The following FGF14 variants were observed in gnomAD, a reference collection of about 807,000 sequenced individuals.
The protein encoded by FGF14 is fibroblast growth factor homologous factor 4.
A neutral mutation model predicts 25.5 loss-of-function variants in FGF14; 5 were observed. The ratio of observed to expected loss-of-function variants is 0.20; its 90% CI spans 0.10 to 0.41. The LOEUF is 0.41. Ranked by LOEUF, FGF14 falls within the 10% of genes least tolerant of loss-of-function variation. The pLI, the probability that FGF14 is intolerant of heterozygous loss-of-function variation, is 1.00. For missense variants in FGF14, 222 were observed against 320.1 expected (o/e 0.69, Z 2.34); for synonymous variants, 138 against 118.3 (o/e 1.17, Z -1.08).
intron 1 of FGF14, among the ~76,000 whole-genome samples, chr13:102,143,538 G>GA (rs766333341): frequency 5.3e-5 from 8 of 151,920 alleles, no homozygotes; most frequent in Non-Finnish European, 7.4e-5. Flanking sequence ...TCCCTGAGGG[G>GA]AAAAAAATAC....
intron 1 of FGF14, among the ~76,000 whole-genome samples, chr13:102,347,989 A>C (rs2057162002): frequency 6.6e-6 from 1 of 151,994 alleles, no homozygotes; most frequent in South Asian, 2.1e-4. Flanking sequence ...TACGACCCTA[A>C]GTAAGATTTT....
intron 3 of FGF14, among the ~76,000 whole-genome samples, chr13:101,778,187 ACTGTCTGC>A (rs943973097): frequency 5.3e-5 from 8 of 152,294 alleles, no homozygotes; most frequent in African/African-American, 1.9e-4. Context: ...CCCAGTTGGA[ACTGTCTGC>A]CTATACTAGC....
intron 1 of FGF14, among the ~76,000 whole-genome samples, chr13:102,087,407 C>CTTTTTTTTTTTTTTT (rs71125043): frequency 8.3e-5 from 7 of 84,446 alleles, no homozygotes; most frequent in Non-Finnish European, 1.1e-4. Context: ...ACTGTAATTT[C>CTTTTTTTTTTTTTTT]TTTTTTTTTT....
chr13:101,933,777 A>C (rs1312680650), intron 1 of FGF14, among the ~76,000 whole-genome samples: 1 of 152,156 alleles, frequency 6.6e-6, no homozygotes, highest in Non-Finnish European at 1.5e-5. Context: ...GGTATATTTA[A>C]TCTGTCTTAA....
At chr13:102,101,111 GAA>G (rs79230981) in intron 1 of FGF14, among the ~76,000 whole-genome samples, 10 of 132,640 alleles carry the variant, frequency 7.5e-5, no homozygotes, top group Non-Finnish European at 6.6e-5. Context: ...GCAACCCCAG[GAA>G]AAAAAAAAAA....
At chr13:101,837,771 T>C (rs1175911677) in intron 3 of FGF14, among the ~76,000 whole-genome samples, 1 of 152,062 alleles carries the variant, frequency 6.6e-6, no homozygotes, top group African/African-American at 2.4e-5. Flanking sequence ...ATGGTTAATA[T>C]TGTGTCAACT....
Position 102,324,836 on chromosome 13 carries a change from A to T in FGF14, c.208+76635T>A, listed in dbSNP as rs374493521. 1.6e-3 allele frequency among the ~76,000 whole-genome samples: 251 copies of T among 152,350 alleles called. 2 individuals carry two copies. The highest frequency in any genetic ancestry group is 5.6e-3 in the African/African-American group (231 of 41,578). ...TCTGTGTGTTCAAAACGTGTTACAA[A>T]TGTGAATACACTTAAATAATAACTC... On this transcript the variant is annotated intron_variant, in intron 1 of 4. Coordinates refer to the FGF14 transcript ENST00000376131.
chr13:102,067,418 GCTTT>G (rs1420602260), intron 1 of FGF14, among the ~76,000 whole-genome samples: 3 of 151,878 alleles, frequency 2.0e-5, no homozygotes, highest in Non-Finnish European at 4.4e-5. Context: ...GTAATGAGAT[GCTTT>G]CTTTGCTCAA....
chr13:102,037,742 A>T (rs2041544343), intron 1 of FGF14, among the ~76,000 whole-genome samples: 1 of 152,200 alleles, frequency 6.6e-6, no homozygotes, highest in Non-Finnish European at 1.5e-5. Flanking sequence ...AAAGAAAATC[A>T]GTTGCACATT....
intron 1 of FGF14, among the ~76,000 whole-genome samples, chr13:102,124,368 T>C (rs200576283): frequency 7.2e-6 from 1 of 138,994 alleles, no homozygotes; most frequent in Non-Finnish European, 1.5e-5. Flanking sequence ...ACCACCAAAA[T>C]AGAGATGATT....
At chr13:102,082,913 C>G (rs1229241508) in intron 1 of FGF14, among the ~76,000 whole-genome samples, 4 of 151,956 alleles carry the variant, frequency 2.6e-5, no homozygotes, top group Non-Finnish European at 4.4e-5. Flanking sequence ...AGCCGAGATC[C>G]CGCCACTGCA....
In FGF14 at chr13:101,926,355, C is replaced by T. The variant is rs565046124; in HGVS notation, c.209-51059G>A. ...TTTTAAACACCAGCAGCTGTTTACTCGATTGAATCTCTAATGATTGCCTGC... is the reference window on the plus strand; with the variant it reads ...TTTTAAACACCAGCAGCTGTTTACTTGATTGAATCTCTAATGATTGCCTGC... On this transcript the variant is annotated intron_variant, in intron 1 of 4. Coordinates refer to the FGF14 transcript ENST00000376131. Among the ~76,000 whole-genome samples the T allele has an allele frequency of 1.9e-4, 29 of 152,276 alleles. No homozygotes were observed. In the South Asian group the frequency reaches 3.3e-3, roughly 17 times the overall value.
intron 3 of FGF14, among the ~76,000 whole-genome samples, chr13:101,856,053 CTG>C (rs1435855514): frequency 6.6e-6 from 1 of 151,740 alleles, no homozygotes; most frequent in Non-Finnish European, 1.5e-5. Flanking sequence ...TTTGCTAACT[CTG>C]TAAAACCGTC....
Position 102,225,634 on chromosome 13 carries a change from A to G in FGF14, c.208+175837T>C, listed in dbSNP as rs11619104. 3.4e-3 allele frequency among the ~76,000 whole-genome samples: 520 copies of G among 152,322 alleles called. 3 individuals carry two copies. Among genetic ancestry groups the G allele is most frequent in the Non-Finnish European group, 5.5e-3 (377 of 68,024 alleles). On this transcript the variant is annotated intron_variant, in intron 1 of 4. Coordinates refer to the FGF14 transcript ENST00000376131. Reference sequence around the variant, plus strand: ...CTGATAATATTAGGTCCCTGAGTATACATTAAAGGCAGAAGAAAATTACAG... The same window carrying G: ...CTGATAATATTAGGTCCCTGAGTATGCATTAAAGGCAGAAGAAAATTACAG...
chr13:102,337,485 C>T (rs147877548), intron 1 of FGF14, among the ~76,000 whole-genome samples: 2 of 152,270 alleles, frequency 1.3e-5, no homozygotes, highest in African/African-American at 4.8e-5. Flanking sequence ...GAATCTACTC[C>T]TGATGGAAGA....
At chr13:102,063,269 A>T (rs72662499) in intron 1 of FGF14, among the ~76,000 whole-genome samples, 2,743 of 152,350 alleles carry the variant, frequency 0.018, 36 homozygotes, top group Middle Eastern at 0.037. Context: ...TAATATTGAT[A>T]TATTCCTATT....
chr13:101,732,063 C>T (rs977442079), intron 3 of FGF14, among the ~76,000 whole-genome samples: 2 of 152,186 alleles, frequency 1.3e-5, no homozygotes, highest in Non-Finnish European at 2.9e-5. Flanking sequence ...GCTAAGCATT[C>T]CCAAGTTAAA....
intron 1 of FGF14, among the ~76,000 whole-genome samples, chr13:102,348,378 A>G (rs559457447): frequency 7.9e-4 from 120 of 152,302 alleles, no homozygotes; most frequent in African/African-American, 2.7e-3. Flanking sequence ...AGTTTGAAGC[A>G]AAGAAAAAAC....
intron 1 of FGF14, among the ~76,000 whole-genome samples, chr13:101,954,711 T>C (rs1283498253): frequency 6.6e-6 from 1 of 152,022 alleles, no homozygotes; most frequent in East Asian, 1.9e-4. Context: ...TGTGTGTGTG[T>C]GTGTGTGTGT....
Sources: gnomAD v4.1 joint callset for allele counts (sites outside exome capture counted in the v4.1 genomes callset) on GRCh38, gnomAD v4.1.1 for gene constraint, MANE v1.5 for transcripts, NCBI Gene and HGNC (gene_info 2026-07-23, HGNC 2026-07-21) for gene names.